Variants in UGGT2 observed in about 807,000 individuals in gnomAD.
The protein encoded by UGGT2 is UDP-glucose:glycoprotein glucosyltransferase 2.
In UGGT2, 180 loss-of-function variants were observed where a neutral mutation model predicts 192.1. The observed-to-expected ratio is 0.94, with a 90% confidence interval of 0.83 to 1.06. The LOEUF (loss-of-function observed/expected upper bound fraction) is 1.06. Among genes scored for constraint, UGGT2 ranks in the 50% least tolerant of loss-of-function variants. The probability of loss-of-function intolerance (pLI) is 0.00; values close to 1 mark genes in which losing one functional copy is unlikely to be tolerated. For synonymous variants in UGGT2, 580 were observed against 591.0 expected (o/e 0.98, Z 0.27); for missense variants, 1,849 against 1,795.7 (o/e 1.03, Z -0.54).
At chr13:95,902,256 A>C (rs1267767212) in intron 21 of UGGT2, among the ~76,000 whole-genome samples, 1 of 152,156 alleles carries the variant, frequency 6.6e-6, no homozygotes, top group Non-Finnish European at 1.5e-5. Flanking sequence ...TAAAATATTC[A>C]ACATTTCCTC....
chr13:96,013,468 G>T lies in UGGT2; in HGVS notation c.499C>A (p.Leu167Ile). The T allele has an allele frequency of 6.4e-7, 1 of 1,566,022 alleles. No homozygotes were observed. Among genetic ancestry groups the T allele is most frequent in the Non-Finnish European group, 8.6e-7 (1 of 1,160,446 alleles). ...KKAASRTRPY[L>I]FKGDHKFPTN... ...GGAAATTTGTGATCTCCTTTAAATA[G>T]ATAAGGTCTAGTCCTAAGATAAAAG... Residue 167 changes from leucine to isoleucine, a missense_variant, in exon 5 of 39, where the codon CTA (leucine) becomes ATA (isoleucine). Physicochemically the swap from Leu to Ile is conservative, Grantham distance 5. Coordinates refer to ENST00000376747, the MANE Select transcript of UGGT2 (RefSeq NM_020121.4).
chr13:95,973,489 T>C (rs1236943730), intron 10 of UGGT2, among the ~76,000 whole-genome samples: 2 of 152,212 alleles, frequency 1.3e-5, no homozygotes, highest in African/African-American at 2.4e-5. Flanking sequence ...AAGTAAAACT[T>C]TGATTTATGT....
intron 20 of UGGT2, among the ~76,000 whole-genome samples, chr13:95,905,374 G>T (rs1265264938): frequency 1.3e-5 from 2 of 151,846 alleles, no homozygotes; most frequent in Admixed American, 1.3e-4. Context: ...CCTTGCCCAT[G>T]CCTATGTCCT....
intron 33 of UGGT2, among the ~76,000 whole-genome samples, chr13:95,858,095 G>A (rs1185225194): frequency 1.3e-5 from 2 of 151,174 alleles, no homozygotes; most frequent in Non-Finnish European, 2.9e-5. Flanking sequence ...AAGCACCTGA[G>A]GTCTGAATGC....
intron 5 of UGGT2, among the ~76,000 whole-genome samples, chr13:96,006,623 CAAAAAAAAAAAAAA>C (rs61256349): frequency 1.1e-5 from 1 of 93,466 alleles, no homozygotes; most frequent in Non-Finnish European, 2.0e-5. Context: ...GATTCTGCCT[CAAAAAAAAAAAAAA>C]AAAAAAAAAA....
chr13:95,986,077 A>G (rs1276051945), intron 9 of UGGT2, among the ~76,000 whole-genome samples: 1 of 152,094 alleles, frequency 6.6e-6, no homozygotes, highest in Non-Finnish European at 1.5e-5. Context: ...ATGATTTTAG[A>G]AAATTTTTTA....
At chr13:95,996,360 G>A (rs1056474712) in intron 6 of UGGT2, among the ~76,000 whole-genome samples, 1 of 152,050 alleles carries the variant, frequency 6.6e-6, no homozygotes, top group Non-Finnish European at 1.5e-5. Context: ...AAATTAGCCA[G>A]GTGTGGTGGT....
intron 32 of UGGT2, 88 bp downstream of exon 32, chr13:95,860,700 T>C (rs561438419): frequency 4.0e-6 from 3 of 753,650 alleles, no homozygotes; most frequent in African/African-American, 1.8e-5. Flanking sequence ...GTTTTTTTTT[T>C]CCCAGTGTAT....
chr13:95,874,935 C>T (rs1891537159), intron 29 of UGGT2, among the ~76,000 whole-genome samples: 2 of 152,148 alleles, frequency 1.3e-5, no homozygotes, highest in African/African-American at 2.4e-5. Context: ...AAGCAGTCCT[C>T]CCACCTTGGC....
At chr13:95,937,571 G>A (rs1381747747) in intron 16 of UGGT2, among the ~76,000 whole-genome samples, 3 of 152,106 alleles carry the variant, frequency 2.0e-5, no homozygotes, top group Non-Finnish European at 4.4e-5. Flanking sequence ...ACCTGCATTA[G>A]GCTAGATACT....
At chr13:95,902,485 G>T (rs557573200) in intron 21 of UGGT2, among the ~76,000 whole-genome samples, 1 of 152,108 alleles carries the variant, frequency 6.6e-6, no homozygotes, top group East Asian at 1.9e-4. Context: ...TTTTTTGAAT[G>T]AATAATGATT....
chr13:95,805,565 A>AAT (rs1000728916), intron 38 of UGGT2, among the ~76,000 whole-genome samples: 31 of 152,118 alleles, frequency 2.0e-4, no homozygotes, highest in Admixed American at 1.3e-3. Flanking sequence ...AAAATGTGGC[A>AAT]ATATATATAT....
rs554135866 is a variant in UGGT2, at chr13:96,040,313, T to C, written c.159-8342A>G. Among the ~76,000 whole-genome samples the C allele has an allele frequency of 2.6e-5, 4 of 152,344 alleles. No homozygotes were observed. In the South Asian group the frequency reaches 6.2e-4, roughly 24 times the overall value. ...GGCTCTAAGGGAGACTGTTCCATCC[T>C]GGTGGCTTCAGCTGTTCCTTGGCTT... On this transcript the variant is annotated intron_variant, in intron 1 of 38. Coordinates refer to ENST00000376747, the MANE Select transcript of UGGT2 (RefSeq NM_020121.4).
At chr13:96,030,399 C>CCA (rs1353869515) in intron 2 of UGGT2, among the ~76,000 whole-genome samples, 1 of 152,118 alleles carries the variant, frequency 6.6e-6, no homozygotes, top group East Asian at 1.9e-4. Flanking sequence ...TAAAGTACCT[C>CCA]CAGCATTTCT....
At chr13:95,983,199 C>T (rs2051181715) in intron 10 of UGGT2, among the ~76,000 whole-genome samples, 1 of 152,096 alleles carries the variant, frequency 6.6e-6, no homozygotes, top group Admixed American at 6.6e-5. Context: ...TACCATCCAC[C>T]CTGCCTCTTT....
At chr13:95,936,453 G>C (rs867332025) in intron 17 of UGGT2, among the ~76,000 whole-genome samples, 1 of 152,204 alleles carries the variant, frequency 6.6e-6, no homozygotes, top group Admixed American at 6.5e-5. Flanking sequence ...TGTGCACAGT[G>C]GTCTGGCCTC....
chr13:96,034,037 C>T (rs531868655), intron 1 of UGGT2, among the ~76,000 whole-genome samples: 2 of 152,222 alleles, frequency 1.3e-5, no homozygotes, highest in African/African-American at 2.4e-5. Flanking sequence ...GTTTTTGTCC[C>T]GGCCTACCCA....
At chr13:95,977,842 C>T (rs1047641820) in intron 10 of UGGT2, among the ~76,000 whole-genome samples, 11 of 152,130 alleles carry the variant, frequency 7.2e-5, no homozygotes, top group Admixed American at 5.9e-4. Context: ...CACATGTACA[C>T]CATGGAATAC....
At chr13:95,887,221 G>T in intron 26 of UGGT2, 1 of 485,574 alleles carries the variant, frequency 2.1e-6, no homozygotes, top group Non-Finnish European at 4.1e-6. Flanking sequence ...ATAATACAGA[G>T]ATGAGCACAT....
Sources: gnomAD v4.1 joint callset for allele counts (sites outside exome capture counted in the v4.1 genomes callset) on GRCh38, gnomAD v4.1.1 for gene constraint, MANE v1.5 for transcripts, NCBI Gene and HGNC (gene_info 2026-07-23, HGNC 2026-07-21) for gene names.